SLC9A2: variants seen among roughly 807,000 people sequenced by gnomAD.
SLC9A2 encodes solute carrier family 9 member A2.
In SLC9A2, 42 loss-of-function variants were observed where a neutral mutation model predicts 71.7. The observed-to-expected ratio is 0.59, with a 90% confidence interval of 0.46 to 0.76. The LOEUF is 0.76. SLC9A2 is among the 30% of genes least tolerant of loss of function. The probability of loss-of-function intolerance (pLI) is 0.00; values close to 1 mark genes in which losing one functional copy is unlikely to be tolerated. For synonymous variants in SLC9A2, 396 were observed against 392.5 expected, an observed-to-expected ratio of 1.01 and a Z score of -0.10; for missense variants, 829 against 1,017.4, an observed-to-expected ratio of 0.81 and a Z score of 2.52.
Position 102,619,831 on chromosome 2 carries a change from C to G in SLC9A2, c.-18C>G, listed in dbSNP as rs1242216105. On this transcript the variant is annotated 5_prime_UTR_variant, in exon 1 of 12. Coordinates refer to ENST00000233969, the MANE Select transcript of SLC9A2 (RefSeq NM_003048.6). The surrounding 1 kb of genome is among the most constrained non-coding windows in gnomAD (Gnocchi z 4.3). Reference sequence around the variant, plus strand: ...GAGGGCCAACCGCCGGTCCCCTTGGCGGCAACCGGCGGCACCCATGGAACC... The same window carrying G: ...GAGGGCCAACCGCCGGTCCCCTTGGGGGCAACCGGCGGCACCCATGGAACC... The G allele has an allele frequency of 6.8e-7, 1 of 1,475,356 alleles. No homozygotes were observed. Among genetic ancestry groups the G allele is most frequent in the Non-Finnish European group, 9.0e-7 (1 of 1,115,022 alleles). The allele number at this position is 1,475,356 out of a possible 1,614,324, so 91.4% of individuals were successfully genotyped here. A position where few individuals can be genotyped will look rare whatever the true frequency, so the allele number is the denominator to read the frequency against.
intron 3 of SLC9A2, among the ~76,000 whole-genome samples, chr2:102,667,809 C>G (rs773443666): frequency 6.6e-6 from 1 of 152,096 alleles, no homozygotes; most frequent in Non-Finnish European, 1.5e-5. Flanking sequence ...GCGGCTCATG[C>G]CTGTAATCCC....
intron 1 of SLC9A2, among the ~76,000 whole-genome samples, chr2:102,625,677 T>C (rs908858471): frequency 6.6e-6 from 1 of 152,126 alleles, no homozygotes; most frequent in Non-Finnish European, 1.5e-5. Context: ...TGCATAGTAT[T>C]CCATGGTGTA....
At chr2:102,654,500 C>A (rs1192818289) in intron 1 of SLC9A2, among the ~76,000 whole-genome samples, 1 of 152,060 alleles carries the variant, frequency 6.6e-6, no homozygotes, top group Admixed American at 6.5e-5. Flanking sequence ...TATTATTTAA[C>A]AGTTCTTTAA....
chr2:102,663,256 G>A lies in SLC9A2; in HGVS notation c.754-1844G>A, dbSNP rs930702365. Among the ~76,000 whole-genome samples, 3 of 152,104 alleles carry A rather than the reference G, an allele frequency of 2.0e-5. No homozygotes were observed. The East Asian group carries it at 5.8e-4, about 29-fold the overall frequency. ...TTGTTCTTCTCTGAAGTCATTTCTT[G>A]GTGGTAGGATGGCAAATGATCTTGA... On this transcript the variant is annotated intron_variant, in intron 2 of 11. Coordinates refer to ENST00000233969, the MANE Select transcript of SLC9A2 (RefSeq NM_003048.6).
intron 3 of SLC9A2, among the ~76,000 whole-genome samples, chr2:102,670,437 G>A (rs550996194): frequency 1.2e-4 from 19 of 152,048 alleles, no homozygotes; most frequent in South Asian, 1.0e-3. Flanking sequence ...TTATTGCAAA[G>A]AAAGTAGAAA....
chr2:102,701,700 C>A (rs1208240885), intron 8 of SLC9A2, among the ~76,000 whole-genome samples: 2 of 151,992 alleles, frequency 1.3e-5, no homozygotes, highest in African/African-American at 2.4e-5. Flanking sequence ...GCAGAACCAC[C>A]AATAAATAAC....
chr2:102,683,239 G>C, intron 3 of SLC9A2, 22 bp from the exon 4 acceptor site: 2 of 1,547,192 alleles, frequency 1.3e-6, no homozygotes, highest in Non-Finnish European at 1.8e-6. Flanking sequence ...GGTTTCAATA[G>C]AAGCTGAATC....
At chr2:102,706,743 A>T (rs555195953) in intron 11 of SLC9A2, among the ~76,000 whole-genome samples, 68 of 152,336 alleles carry the variant, frequency 4.5e-4, no homozygotes, top group African/African-American at 1.6e-3. Context: ...AAGGGCAGGT[A>T]AACAAAAAGT....
At chr2:102,670,156 G>C (rs1319475396) in intron 3 of SLC9A2, among the ~76,000 whole-genome samples, 1 of 149,142 alleles carries the variant, frequency 6.7e-6, no homozygotes, top group African/African-American at 2.5e-5. Flanking sequence ...TTAGCCTCCC[G>C]AGTAGCTGGG....
intron 1 of SLC9A2, among the ~76,000 whole-genome samples, chr2:102,628,720 A>T (rs1237010612): frequency 1.3e-5 from 2 of 152,010 alleles, no homozygotes; most frequent in Middle Eastern, 3.4e-3. Flanking sequence ...TTTTGTTGTC[A>T]TTGTCAGTTT....
In SLC9A2 at chr2:102,706,466, C is replaced by T. The variant is rs554358932; in HGVS notation, c.2068+530C>T. Among the ~76,000 whole-genome samples the T allele has an allele frequency of 6.6e-5, 10 of 151,982 alleles. No homozygotes were observed. In the South Asian group the frequency reaches 1.9e-3, roughly 29 times the overall value. On this transcript the variant is annotated intron_variant, in intron 11 of 11. Coordinates refer to ENST00000233969, the MANE Select transcript of SLC9A2 (RefSeq NM_003048.6). ...GGGAGGGATAGCATTAGGAGATATA[C>T]CTAATGTAAATGGCGAGTTCATGGG...
rs1678036486 is a variant in SLC9A2 at position 102,708,694 on chromosome 2, T to G, written c.*205T>G. The G allele has an allele frequency of 3.6e-6, 2 of 557,220 alleles. No homozygotes were observed. Among genetic ancestry groups the G allele is most frequent in the Non-Finnish European group, 6.2e-6 (2 of 325,116 alleles). 34.5% of individuals were successfully genotyped at this position (557,220 alleles called of 1,614,324 possible). On this transcript the variant is annotated 3_prime_UTR_variant, in exon 12 of 12. Coordinates refer to ENST00000233969, the MANE Select transcript of SLC9A2 (RefSeq NM_003048.6). ...AAAAATAGTCCCACAAAATACCTTT[T>G]GTGACTAATGGGTAGCAATCGTATT...
chr2:102,671,233 C>T lies in SLC9A2; in HGVS notation c.1004+5883C>T, dbSNP rs115938227. Among the ~76,000 whole-genome samples, 1,164 of 152,174 alleles carry T rather than the reference C, an allele frequency of 7.6e-3. 17 individuals carry two copies. The highest frequency in any genetic ancestry group is 0.026 in the African/African-American group (1,076 of 41,522). ...CTTCTCTTCTCACTGGGTCATTGTA[C>T]GTTACATTGCCTTGACAAATAATAG... On this transcript the variant is annotated intron_variant, in intron 3 of 11. Transcript: ENST00000233969.
At chr2:102,695,383 G>A (rs963746615) in intron 7 of SLC9A2, among the ~76,000 whole-genome samples, 33 of 152,146 alleles carry the variant, frequency 2.2e-4, no homozygotes, top group African/African-American at 8.0e-4. Context: ...AGGGTCCGAG[G>A]ACTGTCTGTC....
chr2:102,686,060 C>T (rs1416526842), intron 5 of SLC9A2, among the ~76,000 whole-genome samples: 3 of 152,124 alleles, frequency 2.0e-5, no homozygotes, highest in African/African-American at 4.8e-5. Flanking sequence ...AGGAGATGTG[C>T]GTGTGTTTTA....
Position 102,708,839 on chromosome 2 carries a change from C to A in SLC9A2, c.*350C>A. ...ATTTTAATATATTACTTATATGCTT[C>A]AAATTTTATTTATGAAAAAATATGT... is the stretch of plus-strand genomic sequence containing the variant. On this transcript the variant is annotated 3_prime_UTR_variant, in exon 12 of 12. Coordinates refer to ENST00000233969, the MANE Select transcript of SLC9A2 (RefSeq NM_003048.6). The A allele has an allele frequency of 4.8e-6, 1 of 209,164 alleles. No homozygotes were observed. The highest frequency in any genetic ancestry group is 9.6e-6 in the Non-Finnish European group (1 of 104,374). 13.0% of individuals were successfully genotyped at this position (209,164 alleles called of 1,614,324 possible). A position where few individuals can be genotyped will look rare whatever the true frequency, so the allele number is the denominator to read the frequency against.
chr2:102,664,660 G>A (rs1677102022), intron 2 of SLC9A2, among the ~76,000 whole-genome samples: 1 of 151,998 alleles, frequency 6.6e-6, no homozygotes, highest in South Asian at 2.1e-4. Flanking sequence ...CTGTCATGTG[G>A]CTCCACAATA....
At chr2:102,670,011 AT>A (rs138732805) in intron 3 of SLC9A2, among the ~76,000 whole-genome samples, 14 of 137,548 alleles carry the variant, frequency 1.0e-4, no homozygotes, top group African/African-American at 2.3e-4. Context: ...AGTGCCCAAT[AT>A]TTTTTTTATT....
At position 102,711,017 on chromosome 2, in the gene SLC9A2, A is replaced by G. The variant is rs11123946; in HGVS notation, c.*2528A>G. ...AAACTAGAAATTGGCTTCAAAGTCT[A>G]ATACTTTTAAAAGCATGTGTTTTGT... On this transcript the variant is annotated 3_prime_UTR_variant, in exon 12 of 12. Transcript: ENST00000233969. 116,630 of 152,316 alleles carry G rather than the reference A, an allele frequency of 0.77. 44,660 individuals carry two copies. Among genetic ancestry groups the G allele is most frequent in the Admixed American group, 0.79 (12,079 of 15,294 alleles). The allele number at this position is 152,316 out of a possible 1,614,324, so 9.4% of individuals were successfully genotyped here. A position where few individuals can be genotyped will look rare whatever the true frequency, so the allele number is the denominator to read the frequency against.
Sources: allele counts gnomAD v4.1 joint callset (sites outside exome capture counted in the v4.1 genomes callset), GRCh38; gene constraint gnomAD v4.1.1; non-coding constraint Gnocchi (gnomAD v3.1); transcripts MANE v1.5; gene names NCBI Gene and HGNC (gene_info 2026-07-23, HGNC 2026-07-21).